The following C12orf42 variants were observed in gnomAD, a reference collection of about 807,000 sequenced individuals.
C12orf42 encodes the protein chromosome 12 open reading frame 42.
C12orf42 carries 25 observed loss-of-function variants against 21.6 expected under a neutral mutation model. The observed-to-expected ratio is 1.16, with a 90% CI of 0.84 to 1.62. The LOEUF (loss-of-function observed/expected upper bound fraction) is 1.62, where lower values mean the gene tolerates loss of function less well. Ranked by LOEUF, C12orf42 falls within the 40% of genes most tolerant of loss-of-function variation. The pLI is 0.00. For synonymous variants in C12orf42, 174 were observed against 175.0 expected (o/e 0.99, Z 0.05); for missense variants, 483 against 459.3 (o/e 1.05, Z -0.47).
intron 10 of C12orf42, among the ~76,000 whole-genome samples, chr12:103,256,498 C>G (rs919482612): frequency 3.3e-5 from 5 of 151,562 alleles, no homozygotes; most frequent in Non-Finnish European, 7.4e-5. Flanking sequence ...CAAATGGTGC[C>G]ATGTCTAAAG....
the C12orf42 span, among the ~76,000 whole-genome samples, chr12:103,112,600 G>T: frequency 6.6e-6 from 1 of 152,182 alleles, no homozygotes; most frequent in Non-Finnish European, 1.5e-5. Flanking sequence ...GGCAGAGGTT[G>T]CAGTGAACCG....
At chr12:103,191,543 CAAAAAAAAAAAAAAAAA>C in the C12orf42 span, among the ~76,000 whole-genome samples, 27 of 58,112 alleles carry the variant, frequency 4.6e-4, no homozygotes, top group South Asian at 0.017. Context: ...CTCCACTCTA[CAAAAAAAAAAAAAAAAA>C]AAAAAAAAAA....
chr12:103,198,095 A>G, the C12orf42 span, among the ~76,000 whole-genome samples: 5 of 152,234 alleles, frequency 3.3e-5, no homozygotes, highest in Non-Finnish European at 7.3e-5. Context: ...ACACACACAC[A>G]GAAGCAGGCA....
intron 2 of C12orf42, among the ~76,000 whole-genome samples, chr12:103,469,786 T>C (rs1249162247): frequency 7.9e-5 from 12 of 152,238 alleles, no homozygotes; most frequent in Non-Finnish European, 1.8e-4. Flanking sequence ...TTAGACAGTG[T>C]GTTCAGCCAC....
intron 2 of C12orf42, among the ~76,000 whole-genome samples, chr12:103,426,686 G>GA (rs1454259731): frequency 6.6e-6 from 1 of 152,078 alleles, no homozygotes; most frequent in Non-Finnish European, 1.5e-5. Flanking sequence ...TGAAATGAAG[G>GA]AAAAAATGTT....
intron 5 of C12orf42, among the ~76,000 whole-genome samples, chr12:103,305,696 A>G (rs1474773327): frequency 6.6e-6 from 1 of 152,196 alleles, no homozygotes; most frequent in South Asian, 2.1e-4. Flanking sequence ...TGAAAGCTTA[A>G]TAAGTGTGGC....
At chr12:103,118,317 T>A in the C12orf42 span, among the ~76,000 whole-genome samples, 1 of 152,300 alleles carries the variant, frequency 6.6e-6, no homozygotes, top group South Asian at 2.1e-4. Flanking sequence ...AATGAATGGA[T>A]GAATGAATTG....
the C12orf42 span, among the ~76,000 whole-genome samples, chr12:103,520,002 G>A: frequency 6.6e-6 from 1 of 152,222 alleles, no homozygotes; most frequent in Non-Finnish European, 1.5e-5. Flanking sequence ...ATGTCTGGAT[G>A]CAAACAGGGA....
At chr12:103,499,054 A>T (rs1008125445), upstream of C12orf42, among the ~76,000 whole-genome samples, 3 of 152,132 alleles carry the variant, frequency 2.0e-5, no homozygotes, top group African/African-American at 7.2e-5. Context: ...GTCTTAACTC[A>T]CACAAGCAGA....
intron 1 of C12orf42, among the ~76,000 whole-genome samples, chr12:103,486,542 T>C (rs540987406): frequency 6.6e-6 from 1 of 152,258 alleles, no homozygotes; most frequent in Non-Finnish European, 1.5e-5. Flanking sequence ...ATGGTACCAG[T>C]TCTTCTTTGT....
chr12:103,053,113 A>G, the C12orf42 span, among the ~76,000 whole-genome samples: 2 of 152,042 alleles, frequency 1.3e-5, no homozygotes, highest in African/African-American at 4.8e-5. Context: ...GATTATCATG[A>G]CAAATCTTTG....
chr12:103,443,642 A>G (rs538926032), intron 2 of C12orf42, among the ~76,000 whole-genome samples: 43 of 152,112 alleles, frequency 2.8e-4, no homozygotes, highest in Non-Finnish European at 5.6e-4. Context: ...TCTGCAGGTC[A>G]AACAAAACAT....
chr12:103,429,242 C>T (rs1950084593), intron 2 of C12orf42, among the ~76,000 whole-genome samples: 1 of 152,188 alleles, frequency 6.6e-6, no homozygotes, highest in Non-Finnish European at 1.5e-5. Context: ...CCCAAAATTT[C>T]CTTAAGCTGA....
intron 2 of C12orf42, among the ~76,000 whole-genome samples, chr12:103,461,461 A>G (rs375021197): frequency 3.3e-5 from 5 of 152,234 alleles, no homozygotes; most frequent in East Asian, 1.9e-4. Context: ...AAAAAAATGT[A>G]CATAGACTAT....
chr12:103,258,680 A>G (rs2034735772), intron 10 of C12orf42, among the ~76,000 whole-genome samples: 1 of 152,116 alleles, frequency 6.6e-6, no homozygotes, highest in Admixed American at 6.5e-5. Context: ...CCTTGTCTCT[A>G]TATATCAATA....
chr12:103,062,694 T>C, the C12orf42 span, among the ~76,000 whole-genome samples: 3 of 152,354 alleles, frequency 2.0e-5, no homozygotes, highest in Middle Eastern at 3.4e-3. Context: ...CTTTCAGCAA[T>C]TGTAGTGTTT....
chr12:103,540,728 G>A, the C12orf42 span, among the ~76,000 whole-genome samples: 1 of 151,982 alleles, frequency 6.6e-6, no homozygotes. Flanking sequence ...TTTAAACCCA[G>A]TCTGACAGTC....
chr12:103,143,260 G>C, the C12orf42 span, among the ~76,000 whole-genome samples: 1 of 152,190 alleles, frequency 6.6e-6, no homozygotes, highest in East Asian at 1.9e-4. Flanking sequence ...GGAGGCGTTG[G>C]GAGTTCAATG....
the C12orf42 span, among the ~76,000 whole-genome samples, chr12:103,171,901 A>G: frequency 6.6e-6 from 1 of 152,156 alleles, no homozygotes; most frequent in Non-Finnish European, 1.5e-5. Context: ...ATGGCACAGA[A>G]AGACTAAAGT....
Sources: allele counts gnomAD v4.1 joint callset (sites outside exome capture counted in the v4.1 genomes callset), GRCh38; gene constraint gnomAD v4.1.1; transcripts MANE v1.5; gene names NCBI Gene and HGNC (gene_info 2026-07-23, HGNC 2026-07-21).